Variants in SUGCT observed in about 807,000 individuals in gnomAD.
The protein encoded by SUGCT is succinyl-CoA:glutarate-CoA transferase, also known as succinyl-CoA:glutarate CoA-transferase.
In SUGCT, 41 loss-of-function variants were observed where a neutral mutation model predicts 55.0. That is an observed-to-expected ratio of 0.74 (90% confidence interval 0.58 to 0.97). The LOEUF (loss-of-function observed/expected upper bound fraction) is 0.97, where lower values mean the gene tolerates loss of function less well. Ranked by LOEUF, SUGCT falls within the 50% of genes least tolerant of loss-of-function variation. The pLI is 0.00. For missense variants in SUGCT, 568 were observed against 547.8 expected (o/e 1.04, Z -0.37); for synonymous variants, 187 against 200.4 (o/e 0.93, Z 0.56).
chr7:40,511,864 A>G (rs954036767), intron 12 of SUGCT, among the ~76,000 whole-genome samples: 2 of 152,174 alleles, frequency 1.3e-5, no homozygotes, highest in East Asian at 3.9e-4. Flanking sequence ...TGAGTAGTAT[A>G]AAGCCTGAAA....
chr7:40,720,066 G>A (rs957225753), intron 12 of SUGCT, among the ~76,000 whole-genome samples: 8 of 152,060 alleles, frequency 5.3e-5, no homozygotes, highest in South Asian at 4.1e-4. Context: ...GATTACAGGC[G>A]TGAGGCAGCA....
At chr7:41,008,026 A>G in the SUGCT span, among the ~76,000 whole-genome samples, 1 of 152,174 alleles carries the variant, frequency 6.6e-6, no homozygotes, top group Non-Finnish European at 1.5e-5. Context: ...ATTTAAAGCT[A>G]GAGCTGTGAC....
chr7:40,858,649 CCA>C (rs1794325554), intron 13 of SUGCT, among the ~76,000 whole-genome samples: 1 of 152,148 alleles, frequency 6.6e-6, no homozygotes, highest in African/African-American at 2.4e-5. Flanking sequence ...GATGCCTAAA[CCA>C]TCACATTATT....
chr7:40,246,581 T>G (rs1789893603), intron 7 of SUGCT, among the ~76,000 whole-genome samples: 1 of 148,956 alleles, frequency 6.7e-6, no homozygotes, highest in African/African-American at 2.5e-5. Flanking sequence ...CTGACTTTTT[T>G]GTTTAATTGA....
intron 6 of SUGCT, among the ~76,000 whole-genome samples, chr7:40,203,792 G>GA (rs894266682): frequency 4.7e-5 from 7 of 150,314 alleles, no homozygotes; most frequent in African/African-American, 1.2e-4. Flanking sequence ...AAAAAAGAAA[G>GA]AAAAAAAAGA....
the SUGCT span, among the ~76,000 whole-genome samples, chr7:41,020,643 T>C: frequency 7.2e-5 from 11 of 152,272 alleles, no homozygotes; most frequent in African/African-American, 2.6e-4. Context: ...ATAAAAGTAA[T>C]TATATATTGG....
At chr7:40,986,722 C>T in the SUGCT span, among the ~76,000 whole-genome samples, 2 of 152,184 alleles carry the variant, frequency 1.3e-5, no homozygotes, top group African/African-American at 4.8e-5. Context: ...CAGAATTAAA[C>T]TGTCTTGCTC....
intron 11 of SUGCT, among the ~76,000 whole-genome samples, chr7:40,479,048 G>C (rs1790867868): frequency 6.6e-6 from 1 of 151,874 alleles, no homozygotes; most frequent in Non-Finnish European, 1.5e-5. Flanking sequence ...ATAGTCCACT[G>C]TGTGTGTGTA....
intron 9 of SUGCT, among the ~76,000 whole-genome samples, chr7:40,346,526 T>C (rs1337453646): frequency 6.6e-6 from 1 of 152,202 alleles, no homozygotes; most frequent in East Asian, 1.9e-4. Flanking sequence ...AAGAAAGTTA[T>C]ATAACTTTTC....
intron 13 of SUGCT, chr7:40,783,542 G>A (rs974525251): frequency 7.2e-5 from 11 of 152,172 alleles, no homozygotes; most frequent in South Asian, 6.2e-4. Flanking sequence ...GGTGGTAAGA[G>A]GCCCATAGGA....
intron 9 of SUGCT, among the ~76,000 whole-genome samples, chr7:40,408,386 A>G (rs1004722753): frequency 3.0e-4 from 45 of 152,106 alleles, no homozygotes; most frequent in African/African-American, 1.0e-3. Context: ...TGACTTGATT[A>G]TTTTTATCCC....
chr7:40,167,523 G>C (rs1225897788), intron 1 of SUGCT, among the ~76,000 whole-genome samples: 1 of 152,192 alleles, frequency 6.6e-6, no homozygotes, highest in Non-Finnish European at 1.5e-5. Context: ...CAAGATGGCG[G>C]CAAGCCTTTT....
intron 7 of SUGCT, among the ~76,000 whole-genome samples, chr7:40,261,735 A>G (rs915420741): frequency 4.6e-5 from 7 of 152,212 alleles, no homozygotes; most frequent in African/African-American, 1.4e-4. Flanking sequence ...GAGGATGCCT[A>G]TTAAATGCAA....
At chr7:40,647,766 G>T (rs144374837) in intron 12 of SUGCT, among the ~76,000 whole-genome samples, 2,862 of 151,708 alleles carry the variant, frequency 0.019, 73 homozygotes, top group African/African-American at 0.067. Flanking sequence ...CAGGAGAATC[G>T]CTTGAGCCCA....
intron 11 of SUGCT, among the ~76,000 whole-genome samples, chr7:40,470,953 C>CG (rs1314478575): frequency 6.6e-6 from 1 of 152,044 alleles, no homozygotes; most frequent in African/African-American, 2.4e-5. Flanking sequence ...ATTGGAATGT[C>CG]TGAGTTTATT....
chr7:40,829,874 A>T (rs1792561910), intron 13 of SUGCT, among the ~76,000 whole-genome samples: 1 of 152,216 alleles, frequency 6.6e-6, no homozygotes, highest in Admixed American at 6.5e-5. Flanking sequence ...CCAAAAGCAT[A>T]TAGAAAACTC....
the SUGCT span, among the ~76,000 whole-genome samples, chr7:40,868,391 C>T: frequency 6.6e-6 from 1 of 152,104 alleles, no homozygotes; most frequent in Non-Finnish European, 1.5e-5. Context: ...TGTTCAACTC[C>T]CACTTATGAG....
chr7:40,967,725 A>G, the SUGCT span, among the ~76,000 whole-genome samples: 1 of 151,726 alleles, frequency 6.6e-6, no homozygotes, highest in Admixed American at 6.6e-5. Flanking sequence ...GGTTCACGCC[A>G]TTCTCCTGCC....
At chr7:40,555,602 G>A (rs985035821) in intron 12 of SUGCT, among the ~76,000 whole-genome samples, 2 of 152,164 alleles carry the variant, frequency 1.3e-5, no homozygotes, top group South Asian at 2.1e-4. Flanking sequence ...TGGTTTACAC[G>A]TAGCCTGCTG....
Sources: gnomAD v4.1 joint callset for allele counts (sites outside exome capture counted in the v4.1 genomes callset) on GRCh38, gnomAD v4.1.1 for gene constraint, MANE v1.5 for transcripts, NCBI Gene and HGNC (gene_info 2026-07-23, HGNC 2026-07-21) for gene names.